The following GPRC5D variants were observed in gnomAD, a reference collection of about 807,000 sequenced individuals.
GPRC5D encodes the protein G protein-coupled receptor class C group 5 member D.
A neutral mutation model predicts 29.3 loss-of-function variants in GPRC5D; 20 were observed. The observed-to-expected ratio is 0.68, with a 90% CI of 0.48 to 0.99. The LOEUF (loss-of-function observed/expected upper bound fraction) is 0.99, where lower values mean the gene tolerates loss of function less well. Among genes scored for constraint, GPRC5D ranks in the 50% least tolerant of loss-of-function variants. The pLI is 0.00. For synonymous variants in GPRC5D, 178 were observed against 171.3 expected, an observed-to-expected ratio of 1.04 and a Z score of -0.30; for missense variants, 384 against 423.6, an observed-to-expected ratio of 0.91 and a Z score of 0.82.
upstream of GPRC5D, chr12:12,950,462 C>G (rs1345936072): frequency 1.0e-6 from 1 of 975,172 alleles, no homozygotes; most frequent in East Asian, 2.4e-5. Flanking sequence ...ATTGACAACT[C>G]TGCATCTCTT....
chr12:12,942,294 T>C, exon 2 of GPRC5D: 2 of 1,613,110 alleles, frequency 1.2e-6, no homozygotes, highest in Non-Finnish European at 1.7e-6. Flanking sequence ...ATGAAGTTAA[T>C]GCTACATCCT....
chr12:12,942,879 G>A (rs1303020217), intron 1 of GPRC5D, among the ~76,000 whole-genome samples: 1 of 152,230 alleles, frequency 6.6e-6, no homozygotes, highest in African/African-American at 2.4e-5. Context: ...GAGACCACTA[G>A]CTCCAAGTCA....
exon 2 of GPRC5D, chr12:12,942,300 A>C: frequency 2.5e-6 from 4 of 1,613,230 alleles, no homozygotes; most frequent in Non-Finnish European, 3.4e-6. Flanking sequence ...TTAATGCTAC[A>C]TCCTCCTCAG....
chr12:12,951,204 C>T (rs76522851), upstream of GPRC5D, among the ~76,000 whole-genome samples: 3,748 of 152,268 alleles, frequency 0.025, 61 homozygotes, highest in South Asian at 0.044. Context: ...TACAAGAATG[C>T]CTATTGGGTG....
chr12:12,943,418 T>G (rs1003863399), intron 1 of GPRC5D, among the ~76,000 whole-genome samples: 3 of 152,220 alleles, frequency 2.0e-5, no homozygotes, highest in Admixed American at 1.3e-4. Context: ...CTTAACCTTT[T>G]GTTGCCTTTG....
intron 1 of GPRC5D, among the ~76,000 whole-genome samples, chr12:12,943,703 A>C (rs1863207393): frequency 6.6e-6 from 1 of 152,124 alleles, no homozygotes; most frequent in Non-Finnish European, 1.5e-5. Flanking sequence ...GAACAAACTG[A>C]ATCCTTGGCT....
At chr12:12,940,924 T>C in intron 2 of GPRC5D, 75 bp from the exon 4 acceptor site, 2 of 1,037,966 alleles carry the variant, frequency 1.9e-6, no homozygotes, top group Middle Eastern at 2.0e-4. Context: ...TATGTTTTTG[T>C]TTTTTGAGAC....
intron 1 of GPRC5D, 103 bp from the exon 3 acceptor site, chr12:12,942,431 C>T: frequency 1.3e-6 from 1 of 760,044 alleles, no homozygotes; most frequent in South Asian, 1.6e-5. Context: ...ACAGGCTCTT[C>T]ACTCTTTAAA....
chr12:12,946,404 TTCTC>T (rs1240475838), intron 1 of GPRC5D, among the ~76,000 whole-genome samples: 23 of 42,710 alleles, frequency 5.4e-4, no homozygotes, highest in Non-Finnish European at 2.0e-3. Context: ...CTCTCTCTTC[TTCTC>T]TCTCTTTCTC....
Position 12,950,080 on chromosome 12 carries a change from A to C in GPRC5D, c.305T>G (p.Leu102Arg), listed in dbSNP as rs145645678. The change falls in exon 1 of 3, where the codon CTC (leucine) becomes CGC (arginine). Residue 102 changes from leucine to arginine, a missense_variant. Coordinates refer to ENST00000228887, the Ensembl canonical transcript of GPRC5D. ...ATGAGCTAAGAGGCATGAGAAACAG[A>C]GAGCAAAGAGAACCCCAAAGAGAAA... is the stretch of plus-strand genomic sequence containing the variant. 8.7e-5 allele frequency: 140 copies of C among 1,613,938 alleles called. No homozygotes were observed. Among genetic ancestry groups the C allele is most frequent in the Non-Finnish European group, 1.2e-4 (140 of 1,179,930 alleles).
chr12:12,946,345 C>A (rs1863333809), intron 1 of GPRC5D, among the ~76,000 whole-genome samples: 1 of 147,684 alleles, frequency 6.8e-6, no homozygotes, highest in Admixed American at 6.8e-5. Context: ...TTCTTTCTTT[C>A]TTTCTTTCTT....
chr12:12,942,949 CTT>C (rs1863191773), intron 1 of GPRC5D, among the ~76,000 whole-genome samples: 1 of 152,090 alleles, frequency 6.6e-6, no homozygotes, highest in Non-Finnish European at 1.5e-5. Context: ...TCAACAGTCC[CTT>C]TAGGCTTGAT....
At chr12:12,946,349 CTTTCTTTCTTTCTTTCT>C (rs1233394776) in intron 1 of GPRC5D, among the ~76,000 whole-genome samples, 1 of 147,494 alleles carries the variant, frequency 6.8e-6, no homozygotes, top group African/African-American at 2.5e-5. Context: ...TTCTTTCTTT[CTTTCTTTCTTTCTTTCT>C]TTTCTTTCTT....
intron 1 of GPRC5D, among the ~76,000 whole-genome samples, chr12:12,944,835 TTCCTTCC>T (rs1565477259): frequency 1.5e-3 from 23 of 14,970 alleles, no homozygotes; most frequent in African/African-American, 2.6e-3. Context: ...CCTTCCTTCC[TTCCTTCC>T]TTCCTTCCTT....
At chr12:12,943,690 G>A (rs1197994764) in intron 1 of GPRC5D, among the ~76,000 whole-genome samples, 1 of 150,498 alleles carries the variant, frequency 6.6e-6, no homozygotes, top group Non-Finnish European at 1.5e-5. Context: ...TTCCTTCATG[G>A]CAGAACAAAC....
At chr12:12,949,963 A>G (rs752802571) in exon 1 of GPRC5D, 1 of 1,613,946 alleles carries the variant, frequency 6.2e-7, no homozygotes, top group Non-Finnish European at 8.5e-7. Context: ...GGCAATAATG[A>G]TTTGCAACAG....
At chr12:12,946,483 C>G (rs572854659) in intron 1 of GPRC5D, among the ~76,000 whole-genome samples, 2 of 150,692 alleles carry the variant, frequency 1.3e-5, no homozygotes, top group African/African-American at 4.9e-5. Context: ...TCGACGCAGC[C>G]TTGCTCTGTT....
chr12:12,942,826 G>A (rs773481386), intron 1 of GPRC5D, among the ~76,000 whole-genome samples: 2 of 152,194 alleles, frequency 1.3e-5, no homozygotes, highest in Non-Finnish European at 2.9e-5. Context: ...TGTAGAAAGC[G>A]TGGGTAGCGT....
chr12:12,942,430 T>C, intron 1 of GPRC5D, 102 bp from the exon 3 acceptor site: 1 of 762,056 alleles, frequency 1.3e-6, no homozygotes, highest in Non-Finnish European at 2.3e-6. Context: ...AACAGGCTCT[T>C]CACTCTTTAA....
Sources: gnomAD v4.1 joint callset for allele counts (sites outside exome capture counted in the v4.1 genomes callset) on GRCh38, gnomAD v4.1.1 for gene constraint, MANE v1.5 for transcripts, NCBI Gene and HGNC (gene_info 2026-07-23, HGNC 2026-07-21) for gene names.